Variants in CFAP54 observed in about 807,000 individuals in gnomAD.
The protein encoded by CFAP54 is cilia and flagella associated protein 54, also known as cilia- and flagella-associated protein 54.
CFAP54 carries 290 observed loss-of-function variants against 370.4 expected under a neutral mutation model. The ratio of observed to expected loss-of-function variants is 0.78; its 90% confidence interval spans 0.71 to 0.86. The LOEUF is 0.86. Ranked by LOEUF, CFAP54 falls within the 40% of genes least tolerant of loss-of-function variation. CFAP54 has a pLI of 0.00. For missense variants in CFAP54, 3,399 were observed against 3,528.7 expected (o/e 0.96, Z 0.93); for synonymous variants, 1,206 against 1,236.5 (o/e 0.98, Z 0.52).
chr12:96,840,622 CTTTCTTTTTTT>C (rs1959207023), intron 66 of CFAP54, among the ~76,000 whole-genome samples: 2 of 67,054 alleles, frequency 3.0e-5, no homozygotes, highest in Non-Finnish European at 3.8e-5. Context: ...TTCTCTGTTT[CTTTCTTTTTTT>C]TTTTTTTTAC....
At chr12:96,858,315 T>A (rs1224339604) in intron 66 of CFAP54, among the ~76,000 whole-genome samples, 1 of 152,230 alleles carries the variant, frequency 6.6e-6, no homozygotes, top group Non-Finnish European at 1.5e-5. Context: ...TGTCTGTTCA[T>A]ATCCTTTGCC....
intron 39 of CFAP54, among the ~76,000 whole-genome samples, chr12:96,679,171 T>C (rs1292822879): frequency 6.6e-6 from 1 of 152,172 alleles, no homozygotes; most frequent in Non-Finnish European, 1.5e-5. Context: ...TGTCTTTTCC[T>C]TCCCTTCCGA....
chr12:96,754,225 A>G (rs1224553347), intron 56 of CFAP54, among the ~76,000 whole-genome samples: 1 of 152,216 alleles, frequency 6.6e-6, no homozygotes, highest in African/African-American at 2.4e-5. Context: ...AATGCTTGGA[A>G]GACATTTTTT....
chr12:96,535,008 C>CTCTGTG (rs1955486365), intron 11 of CFAP54, among the ~76,000 whole-genome samples: 1 of 137,338 alleles, frequency 7.3e-6, no homozygotes, highest in Non-Finnish European at 1.6e-5. Flanking sequence ...GTTTTCTTTT[C>CTCTGTG]TGTGTGTGTG....
At chr12:96,600,315 G>A (rs553842682) in intron 26 of CFAP54, among the ~76,000 whole-genome samples, 2 of 152,108 alleles carry the variant, frequency 1.3e-5, no homozygotes, top group Non-Finnish European at 2.9e-5. Flanking sequence ...TTGTAGATGT[G>A]TGGTGTTATT....
At chr12:96,660,113 A>G (rs965630033) in intron 38 of CFAP54, among the ~76,000 whole-genome samples, 8 of 152,214 alleles carry the variant, frequency 5.3e-5, no homozygotes, top group Non-Finnish European at 1.5e-5. Flanking sequence ...AGTAAGGGTG[A>G]TCTAGAAGAC....
At chr12:96,595,532 T>C (rs1416047287) in intron 25 of CFAP54, among the ~76,000 whole-genome samples, 1 of 152,162 alleles carries the variant, frequency 6.6e-6, no homozygotes, top group African/African-American at 2.4e-5. Context: ...GTGAGTGAAC[T>C]CACACAAAGT....
chr12:96,536,264 T>C (rs562137882), intron 12 of CFAP54, among the ~76,000 whole-genome samples: 7 of 152,316 alleles, frequency 4.6e-5, no homozygotes, highest in Admixed American at 2.6e-4. Flanking sequence ...CTTTAAGTAG[T>C]AGCTTCCTAA....
intron 6 of CFAP54, among the ~76,000 whole-genome samples, chr12:96,519,659 A>G (rs1955281237): frequency 6.6e-6 from 1 of 152,224 alleles, no homozygotes; most frequent in Non-Finnish European, 1.5e-5. Flanking sequence ...TTTATTTTTA[A>G]ATGACAAATA....
chr12:96,598,653 A>G lies in CFAP54; in HGVS notation c.3525A>G (p.Ile1175Met), dbSNP rs1444909926. 1 of 625,434 alleles carries G rather than the reference A, an allele frequency of 1.6e-6. No homozygotes were observed. The highest frequency in any genetic ancestry group is 2.5e-5 in the Admixed American group (1 of 40,738). 38.7% of individuals were successfully genotyped at this position (625,434 alleles called of 1,614,324 possible). ...GTGATTCTAATTTTTAGATCCTGATAAAGTGTATAGTGGTTTTGCAAGGAC... is the reference window on the plus strand; with the variant it reads ...GTGATTCTAATTTTTAGATCCTGATGAAGTGTATAGTGGTTTTGCAAGGAC... ...IVLVPVVQIL[I>M]KCIVVLQGLP... Residue 1175 changes from isoleucine to methionine, a missense_variant, in exon 26 of 68, where the codon ATA becomes ATG. Ile to Met is a conservative substitution (Grantham distance 10, BLOSUM62 1). Transcript: ENST00000524981.
chr12:96,604,752 CA>C (rs1956283014), intron 26 of CFAP54, among the ~76,000 whole-genome samples: 1 of 152,216 alleles, frequency 6.6e-6, no homozygotes, highest in African/African-American at 2.4e-5. Flanking sequence ...TAGCAGCGAG[CA>C]AGGCTCCATG....
rs151291259 is a variant in CFAP54 at position 96,794,853 on chromosome 12, C to G, written c.8850+2354C>G. Among the ~76,000 whole-genome samples, 178 of 152,220 alleles carry G rather than the reference C, an allele frequency of 1.2e-3. 1 individual carries two copies. Among genetic ancestry groups the G allele is most frequent in the Non-Finnish European group, 2.3e-3 (153 of 67,996 alleles). On this transcript the variant is annotated intron_variant, in intron 63 of 67. Transcript: ENST00000524981. ...ACCAGAATTGTTTTTCTGGTTTCTT[C>G]TCATTTGGGTAGACTAGGTCAGAGG...
In CFAP54 at chr12:96,743,419, T is replaced by G; in HGVS notation, c.7237T>G (p.Cys2413Gly). The change falls in exon 53 of 68, where the codon TGC (cysteine) becomes GGC (glycine). Residue 2413 changes from cysteine (C) to glycine (G), a missense_variant. Physicochemically the swap from Cys to Gly is radical, Grantham distance 159 (BLOSUM62 -3). Coordinates refer to ENST00000524981, the MANE Select transcript of CFAP54 (RefSeq NM_001306084.2). ...TATTTTAGAGGATGATATGACAGATTGCCTGAGCCTCATCAATGAAGTGTG... is the reference window on the plus strand; with the variant it reads ...TATTTTAGAGGATGATATGACAGATGGCCTGAGCCTCATCAATGAAGTGTG... Reference protein sequence around the residue: ...GIVKEDDMTDCLSLINEVCME... With the variant: ...GIVKEDDMTDGLSLINEVCME... 6.2e-7 allele frequency: 1 copy of G among 1,613,402 alleles called. No individual in the cohort carries two copies. Among genetic ancestry groups the G allele is most frequent in the South Asian group, 1.1e-5 (1 of 90,768 alleles).
intron 60 of CFAP54, among the ~76,000 whole-genome samples, chr12:96,780,415 G>A (rs1958569757): frequency 6.6e-6 from 1 of 152,066 alleles, no homozygotes; most frequent in Admixed American, 6.6e-5. Flanking sequence ...CCAGAACAGT[G>A]TATCGAAAAA....
chr12:96,643,768 T>C (rs754228123), intron 32 of CFAP54, among the ~76,000 whole-genome samples: 1 of 152,218 alleles, frequency 6.6e-6, no homozygotes, highest in Non-Finnish European at 1.5e-5. Flanking sequence ...GACAAAATTT[T>C]GCTGCGTTGT....
chr12:96,854,526 A>G (rs1047769397), intron 66 of CFAP54, among the ~76,000 whole-genome samples: 1 of 152,238 alleles, frequency 6.6e-6, no homozygotes, highest in African/African-American at 2.4e-5. Flanking sequence ...AATCAATAGT[A>G]CAAAAATTGA....
chr12:96,671,130 G>T (rs1273407685), intron 39 of CFAP54, among the ~76,000 whole-genome samples: 2 of 151,940 alleles, frequency 1.3e-5, no homozygotes, highest in Non-Finnish European at 2.9e-5. Flanking sequence ...CTGCCACCAC[G>T]CCTGGCTAAT....
intron 46 of CFAP54, among the ~76,000 whole-genome samples, chr12:96,704,300 A>G (rs897294231): frequency 5.3e-5 from 8 of 150,382 alleles, no homozygotes; most frequent in Non-Finnish European, 1.0e-4. Context: ...GGTGGCGGGC[A>G]CCTGTAGTCC....
In CFAP54 at chr12:96,623,843, C is replaced by A. The variant is rs747952805; in HGVS notation, c.3848C>A (p.Ala1283Asp). 2.0e-6 allele frequency: 3 copies of A among 1,535,596 alleles called. No individual in the cohort carries two copies. The South Asian group carries it at 3.6e-5, about 18-fold the overall frequency. ...CCTGAAAAGATAAATGAACAGCTGG[C>A]CTTGTTGGAGACACACCTACTCAAA... Reference protein sequence around the residue: ...LLPEKINEQLALLETHLLKLT... With the variant: ...LLPEKINEQLDLLETHLLKLT... The change falls in exon 28 of 68, where the codon GCC (alanine) becomes GAC (aspartate). Residue 1283 changes from alanine (A) to aspartate (D), a missense_variant. Ala to Asp is a moderately radical substitution (Grantham distance 126). Around this residue, in one of 3 missense-constraint regions of CFAP54, gnomAD observed 2,796 missense variants for 2,869.7 expected, o/e 0.97. Coordinates refer to ENST00000524981, the MANE Select transcript of CFAP54 (RefSeq NM_001306084.2).
Sources: gnomAD v4.1 joint callset for allele counts (sites outside exome capture counted in the v4.1 genomes callset) on GRCh38, gnomAD v4.1.1 for gene constraint, gnomAD v4.1.1 regional missense constraint, MANE v1.5 for transcripts, NCBI Gene and HGNC (gene_info 2026-07-23, HGNC 2026-07-21) for gene names.